AHCY: variants seen among roughly 807,000 people sequenced by gnomAD.
AHCY encodes adenosylhomocysteinase.
A neutral mutation model predicts 45.4 loss-of-function variants in AHCY; 24 were observed. That is an observed-to-expected ratio of 0.53 (90% CI 0.38 to 0.74). The LOEUF (loss-of-function observed/expected upper bound fraction) is 0.74, where lower values mean the gene tolerates loss of function less well. AHCY is among the 30% of genes least tolerant of loss of function. The pLI is 0.00. For missense variants in AHCY, 449 were observed against 594.1 expected, an observed-to-expected ratio of 0.76 and a Z score of 2.54; for synonymous variants, 245 against 235.1, an observed-to-expected ratio of 1.04 and a Z score of -0.39.
chr20:34,308,962 T>C (rs2036921858), intron 1 of AHCY, among the ~76,000 whole-genome samples: 2 of 131,386 alleles, frequency 1.5e-5, no homozygotes, highest in East Asian at 2.3e-4. Flanking sequence ...CCAATTTTTT[T>C]TTTTTTTTTT....
the AHCY span, among the ~76,000 whole-genome samples, chr20:34,245,333 CAAA>C: frequency 1.4e-4 from 9 of 63,576 alleles, no homozygotes; most frequent in Non-Finnish European, 2.2e-4. Context: ...GACTCTGTCT[CAAA>C]AAAAAAAAAA....
At chr20:34,240,958 A>G in the AHCY span, among the ~76,000 whole-genome samples, 1 of 152,242 alleles carries the variant, frequency 6.6e-6, no homozygotes, top group South Asian at 2.1e-4. Flanking sequence ...AAGCAAAGAG[A>G]TGAGGTGGGG....
the AHCY span, chr20:34,268,962 C>T: frequency 1.9e-6 from 3 of 1,578,390 alleles, no homozygotes; most frequent in East Asian, 7.0e-5. Flanking sequence ...GCGTGGCCGG[C>T]TCATAAAGCC....
chr20:34,297,735 T>G (rs189592716), intron 1 of AHCY, among the ~76,000 whole-genome samples: 2 of 152,288 alleles, frequency 1.3e-5, no homozygotes, highest in East Asian at 3.9e-4. Flanking sequence ...CAATCTCACT[T>G]CCCAATTCAC....
At chr20:34,279,549 A>G (rs2035946225), downstream of AHCY, among the ~76,000 whole-genome samples, 1 of 152,120 alleles carries the variant, frequency 6.6e-6, no homozygotes, top group Non-Finnish European at 1.5e-5. Flanking sequence ...GTCATTTGGT[A>G]CTAATAATAG....
the AHCY span, among the ~76,000 whole-genome samples, chr20:34,267,459 C>CA: frequency 0.056 from 2,506 of 45,074 alleles, 264 homozygotes; most frequent in African/African-American, 0.12. Context: ...AACTGGCTCT[C>CA]AAAAAAAAAA....
the AHCY span, among the ~76,000 whole-genome samples, chr20:34,270,554 G>A: frequency 6.6e-6 from 1 of 152,224 alleles, no homozygotes. Flanking sequence ...GTGAGGCCAG[G>A]ATGCAAAGCT....
chr20:34,290,681 C>T lies in AHCY; in HGVS notation c.767-43G>A, dbSNP rs2036349396. On this transcript the variant is annotated intron_variant, in intron 6 of 9. Transcript: ENST00000217426. This position sits in a 1 kb window ranked among gnomAD's most constrained non-coding sequence, Gnocchi z 4.5. ...CTGTGGGTCATCTACGGTGGCCTTGCCCCTCCCTCTGGCCCCAGTGGCTGA... is the reference window on the plus strand; with the variant it reads ...CTGTGGGTCATCTACGGTGGCCTTGTCCCTCCCTCTGGCCCCAGTGGCTGA... 3 of 1,613,824 alleles carry T rather than the reference C, an allele frequency of 1.9e-6. No homozygotes were observed. The highest frequency in any genetic ancestry group is 2.5e-6 in the Non-Finnish European group (3 of 1,179,892).
At chr20:34,302,301 C>G (rs117929556) in intron 1 of AHCY, 171 of 153,550 alleles carry the variant, frequency 1.1e-3, no homozygotes, top group Non-Finnish European at 2.2e-3. Context: ...ACACCCGGTC[C>G]AATAGTGTCA....
In AHCY at chr20:34,280,953, G is replaced by A; in HGVS notation, c.*81C>T. 1 of 1,594,136 alleles carries A rather than the reference G, an allele frequency of 6.3e-7. No homozygotes were observed. The highest frequency in any genetic ancestry group is 8.6e-7 in the Non-Finnish European group (1 of 1,169,158). On this transcript the variant is annotated 3_prime_UTR_variant, in exon 10 of 10. Transcript: ENST00000217426. ...GGGACACTGACAAACCAATCACAAA[G>A]TTGGTGCCATTAGCTCTTAGGGAGG...
chr20:34,309,592 T>C (rs1160691611), intron 1 of AHCY, among the ~76,000 whole-genome samples: 1 of 151,838 alleles, frequency 6.6e-6, no homozygotes, highest in Non-Finnish European at 1.5e-5. Flanking sequence ...AAGGTCAGGA[T>C]TTCAAGAGGA....
chr20:34,256,382 C>T, the AHCY span, among the ~76,000 whole-genome samples: 1 of 152,190 alleles, frequency 6.6e-6, no homozygotes, highest in Non-Finnish European at 1.5e-5. Flanking sequence ...TGTCTTGTGT[C>T]TTTATTTCTA....
the AHCY span, among the ~76,000 whole-genome samples, chr20:34,272,921 T>C: frequency 6.6e-6 from 1 of 152,166 alleles, no homozygotes; most frequent in South Asian, 2.1e-4. Flanking sequence ...TTATAAAGGC[T>C]ATTACAAAGG....
rs1568782465 is a variant in AHCY, at chr20:34,281,016, GA to G, written c.*17del. ...TGGGCAAGGACAGCAGCTGGAGGGT[GA>G]AACGCAGACCTGGCTCTCAGTAGCG... On this transcript the variant is annotated 3_prime_UTR_variant, in exon 10 of 10. Transcript: ENST00000217426. 27 of 1,613,904 alleles carry G rather than the reference GA, an allele frequency of 1.7e-5. No homozygotes were observed. The highest frequency in any genetic ancestry group is 2.0e-5 in the Non-Finnish European group (24 of 1,179,980).
intron 1 of AHCY, chr20:34,301,853 C>T: frequency 1.0e-6 from 1 of 985,456 alleles, no homozygotes; most frequent in Non-Finnish European, 1.2e-6. Flanking sequence ...CAAGTCACCT[C>T]CCAAGGGCCT....
At chr20:34,246,191 G>A in the AHCY span, 1 of 1,298,432 alleles carries the variant, frequency 7.7e-7, no homozygotes. Flanking sequence ...AGGAATTTTG[G>A]CCTTAGTAAG....
chr20:34,239,179 T>G, the AHCY span, among the ~76,000 whole-genome samples: 1 of 152,114 alleles, frequency 6.6e-6, no homozygotes, highest in Non-Finnish European at 1.5e-5. Flanking sequence ...TCTCACCACC[T>G]AATATCCATC....
chr20:34,291,595 T>G, intron 4 of AHCY, 64 bp from the exon 5 acceptor site: 3 of 1,408,596 alleles, frequency 2.1e-6, no homozygotes, highest in South Asian at 2.3e-5. Flanking sequence ...AAATTCCTCA[T>G]CTTTACCCCC....
At chr20:34,272,638 G>A in the AHCY span, among the ~76,000 whole-genome samples, 1 of 152,168 alleles carries the variant, frequency 6.6e-6, no homozygotes, top group South Asian at 2.1e-4. Context: ...TGTAATCCCA[G>A]CACTTTGGGA....
Sources: gnomAD v4.1 joint callset for allele counts (sites outside exome capture counted in the v4.1 genomes callset) on GRCh38, gnomAD v4.1.1 for gene constraint, Gnocchi (gnomAD v3.1) non-coding constraint, MANE v1.5 for transcripts, NCBI Gene and HGNC (gene_info 2026-07-23, HGNC 2026-07-21) for gene names.